Variants in NCAPD3 observed in about 807,000 individuals in gnomAD.
NCAPD3 encodes condensin-2 complex subunit D3.
NCAPD3 carries 105 observed loss-of-function variants against 182.9 expected under a neutral mutation model. The observed-to-expected ratio is 0.57, with a 90% CI of 0.49 to 0.68. The LOEUF is 0.68. Among genes scored for constraint, NCAPD3 ranks in the 30% least tolerant of loss-of-function variants. The probability of loss-of-function intolerance (pLI) is 0.00; values close to 1 mark genes in which losing one functional copy is unlikely to be tolerated. For missense variants in NCAPD3, 1,944 were observed against 1,837.0 expected (o/e 1.06, Z -1.07); for synonymous variants, 815 against 679.9 (o/e 1.20, Z -3.09).
At chr11:134,172,850 A>C (rs1297117757) in intron 24 of NCAPD3, among the ~76,000 whole-genome samples, 1 of 152,012 alleles carries the variant, frequency 6.6e-6, no homozygotes, top group African/African-American at 2.4e-5. Flanking sequence ...GTGAGAACCT[A>C]ATGCTACAAA....
Position 134,223,867 on chromosome 11 carries a change from T to A in NCAPD3, c.60A>T (p.Arg20Ser). ...GLQPWCPLDL[R>S]LEWVDTVWEL... ...CTCCCGGCTGCATCTGCTCACCGAG[T>A]CTAAGATCCAGCGGACACCAGGGCT... is the stretch of plus-strand genomic sequence containing the variant. Residue 20 changes from arginine (R) to serine (S), a missense_variant, in exon 1 of 35, where the codon AGA becomes AGT. Transcript: ENST00000534548. 1 of 1,612,150 alleles carries A rather than the reference T, an allele frequency of 6.2e-7. No individual in the cohort carries two copies. Among genetic ancestry groups the A allele is most frequent in the East Asian group, 2.2e-5 (1 of 44,802 alleles).
chr11:134,178,585 A>G, intron 22 of NCAPD3, 49 bp downstream of exon 22: 1 of 1,388,372 alleles, frequency 7.2e-7, no homozygotes, highest in East Asian at 2.3e-5. Flanking sequence ...TTAAGACAAC[A>G]GCTACACACA....
chr11:134,201,278 G>A (rs1944743313), intron 13 of NCAPD3, among the ~76,000 whole-genome samples: 1 of 151,958 alleles, frequency 6.6e-6, no homozygotes, highest in African/African-American at 2.4e-5. Context: ...TCCCGTCTCG[G>A]CCTCCCAATG....
At position 134,184,976 on chromosome 11, in the gene NCAPD3, G is replaced by C. The variant is rs769447126; in HGVS notation, c.2262C>G (p.Thr754=). 4.9e-5 allele frequency: 79 copies of C among 1,613,580 alleles called. 1 individual carries two copies. In the South Asian group the frequency reaches 7.9e-4, roughly 16 times the overall value. ...CAATCACACAGAGAATATGTCCTAA[G>C]GTGTTTGAATTGGGATTCTGCTGAC... ...ISSQQNPNSN[T]LGHILCVIGH... Residue 754 remains threonine (T), a synonymous_variant, in exon 18 of 35, where the codon ACC becomes ACG. Transcript: ENST00000534548.
chr11:134,173,971 AG>A (rs940577385), intron 24 of NCAPD3, among the ~76,000 whole-genome samples: 3 of 151,946 alleles, frequency 2.0e-5, no homozygotes, highest in Non-Finnish European at 4.4e-5. Flanking sequence ...AAAAAAAAAA[AG>A]AAAACAAACA....
intron 2 of NCAPD3, among the ~76,000 whole-genome samples, chr11:134,217,539 A>G (rs965473314): frequency 1.3e-5 from 2 of 152,214 alleles, no homozygotes; most frequent in African/African-American, 4.8e-5. Context: ...TGCAGATTGC[A>G]GGCAATGGGA....
At chr11:134,168,854 C>A in intron 25 of NCAPD3, 63 bp downstream of exon 25, 1 of 1,559,176 alleles carries the variant, frequency 6.4e-7, no homozygotes, top group South Asian at 1.2e-5. Context: ...AGAGCCTAAC[C>A]TCCCCTGATT....
At chr11:134,153,615 TCAC>T in intron 32 of NCAPD3, 1 of 545,484 alleles carries the variant, frequency 1.8e-6, no homozygotes, top group Non-Finnish European at 3.3e-6. Context: ...GCCTCACTGT[TCAC>T]GCCTCTGGCT....
intron 16 of NCAPD3, among the ~76,000 whole-genome samples, chr11:134,192,366 C>T (rs550523743): frequency 1.1e-4 from 16 of 152,290 alleles, no homozygotes; most frequent in Admixed American, 8.5e-4. Context: ...AGTCATCCTT[C>T]GTGATAACCA....
At chr11:134,173,273 C>A in intron 24 of NCAPD3, 1 of 154,030 alleles carries the variant, frequency 6.5e-6, no homozygotes, top group Non-Finnish European at 1.5e-5. Flanking sequence ...CCCAGGGAGG[C>A]GGGGGATGGT....
chr11:134,155,260 G>A (rs1204627075), intron 32 of NCAPD3, among the ~76,000 whole-genome samples: 1 of 152,118 alleles, frequency 6.6e-6, no homozygotes, highest in Non-Finnish European at 1.5e-5. Flanking sequence ...TGCCAGCTTT[G>A]AAGAGCTGAG....
intron 24 of NCAPD3, among the ~76,000 whole-genome samples, chr11:134,172,041 A>G (rs1444960232): frequency 1.3e-5 from 2 of 152,182 alleles, no homozygotes; most frequent in African/African-American, 4.8e-5. Context: ...CGTGTGGACC[A>G]GATAGTGTGT....
chr11:134,208,135 C>A (rs1211610578), intron 7 of NCAPD3, among the ~76,000 whole-genome samples: 1 of 152,164 alleles, frequency 6.6e-6, no homozygotes, highest in African/African-American at 2.4e-5. Context: ...ATGTGCGGAA[C>A]CCCCCAAGCA....
intron 7 of NCAPD3, among the ~76,000 whole-genome samples, chr11:134,207,322 G>A (rs1218207857): frequency 6.6e-6 from 1 of 151,912 alleles, no homozygotes; most frequent in Non-Finnish European, 1.5e-5. Flanking sequence ...CATAATGTAA[G>A]CAGGACATGT....
At chr11:134,153,236 C>G in intron 33 of NCAPD3, 36 bp from the exon 34 acceptor site, 1 of 1,613,958 alleles carries the variant, frequency 6.2e-7, no homozygotes, top group Non-Finnish European at 8.5e-7. Context: ...TCAGCTTTCC[C>G]AGAACCTCAA....
chr11:134,176,768 G>A (rs560318887), intron 23 of NCAPD3, among the ~76,000 whole-genome samples: 17 of 152,278 alleles, frequency 1.1e-4, no homozygotes, highest in African/African-American at 3.4e-4. Flanking sequence ...CTAACGCTCT[G>A]CAGAGCTCTA....
intron 27 of NCAPD3, among the ~76,000 whole-genome samples, chr11:134,163,246 T>C (rs1478269499): frequency 6.6e-6 from 1 of 152,190 alleles, no homozygotes; most frequent in Non-Finnish European, 1.5e-5. Flanking sequence ...TTTACCCATT[T>C]TAAACAAACA....
chr11:134,186,889 A>T (rs1944418268), intron 16 of NCAPD3, among the ~76,000 whole-genome samples: 1 of 152,244 alleles, frequency 6.6e-6, no homozygotes, highest in African/African-American at 2.4e-5. Flanking sequence ...AGCTTACAAC[A>T]TGATTTATGT....
At chr11:134,225,430 G>A, upstream of NCAPD3, 1 of 1,377,198 alleles carries the variant, frequency 7.3e-7, no homozygotes, top group South Asian at 1.2e-5. Flanking sequence ...CCTCCGGCGA[G>A]GCCTGTCACA....
Sources: allele counts gnomAD v4.1 joint callset (sites outside exome capture counted in the v4.1 genomes callset), GRCh38; gene constraint gnomAD v4.1.1; transcripts MANE v1.5; gene names NCBI Gene and HGNC (gene_info 2026-07-23, HGNC 2026-07-21).